The following RAB3GAP1 variants were observed in gnomAD, a reference collection of about 807,000 sequenced individuals.
RAB3GAP1 encodes rab3 GTPase-activating protein catalytic subunit.
In RAB3GAP1, 86 loss-of-function variants were observed where a neutral mutation model predicts 130.7. The ratio of observed to expected loss-of-function variants is 0.66; its 90% CI spans 0.55 to 0.79. The LOEUF is 0.79. Ranked by LOEUF, RAB3GAP1 falls within the 30% of genes least tolerant of loss-of-function variation. The pLI is 0.00. For missense variants in RAB3GAP1, 1,029 were observed against 1,169.4 expected (o/e 0.88, Z 1.75); for synonymous variants, 367 against 401.7 (o/e 0.91, Z 1.03).
intron 5 of RAB3GAP1, among the ~76,000 whole-genome samples, chr2:135,106,761 A>G (rs1255599223): frequency 7.0e-6 from 1 of 143,526 alleles, no homozygotes; most frequent in East Asian, 1.9e-4. Flanking sequence ...AATACTAAAA[A>G]AAAAAATAAA....
intron 17 of RAB3GAP1, among the ~76,000 whole-genome samples, chr2:135,141,138 T>G (rs1691826603): frequency 6.6e-6 from 1 of 152,116 alleles, no homozygotes; most frequent in Non-Finnish European, 1.5e-5. Context: ...TTTTTTCTTA[T>G]TACTTTATAG....
intron 3 of RAB3GAP1, among the ~76,000 whole-genome samples, chr2:135,081,041 T>C (rs1211614430): frequency 6.6e-6 from 1 of 152,048 alleles, no homozygotes; most frequent in Non-Finnish European, 1.5e-5. Flanking sequence ...GTCTGCATAA[T>C]ACATATACTG....
chr2:135,081,445 G>T (rs1379720426), intron 3 of RAB3GAP1, among the ~76,000 whole-genome samples: 1 of 136,042 alleles, frequency 7.4e-6, no homozygotes, highest in Non-Finnish European at 1.5e-5. Flanking sequence ...TATATATATA[G>T]CAAATCTCCA....
chr2:135,058,234 G>A, intron 3 of RAB3GAP1, 148 bp downstream of exon 3: 1 of 707,800 alleles, frequency 1.4e-6, no homozygotes, highest in Middle Eastern at 2.4e-4. Flanking sequence ...GGAAGAATTT[G>A]GATTTAAATC....
rs184286930 is a variant in RAB3GAP1, at chr2:135,143,413, C to A, written c.1924-6956C>A. 8.5e-5 allele frequency among the ~76,000 whole-genome samples: 13 copies of A among 152,064 alleles called. No individual in the cohort carries two copies. In the East Asian group the frequency reaches 2.3e-3, roughly 27 times the overall value. On this transcript the variant is annotated intron_variant, in intron 17 of 23. Transcript: ENST00000264158. ...AACTTTGGGTTTTGTTGATTTTTCT[C>A]TGTTGATTTTGTTTTCTATTTCATT...
At chr2:135,120,680 T>G in intron 7 of RAB3GAP1, 139 bp from the exon 8 acceptor site, 1 of 743,874 alleles carries the variant, frequency 1.3e-6, no homozygotes, top group African/African-American at 1.7e-5. Flanking sequence ...TGCACACTAT[T>G]GTTTAACACT....
At position 135,135,246 on chromosome 2, in the gene RAB3GAP1, T is replaced by C. The variant is rs997097334; in HGVS notation, c.1500-19T>C. The C allele has an allele frequency of 1.3e-6, 2 of 1,596,694 alleles. No individual in the cohort carries two copies. Among genetic ancestry groups the C allele is most frequent in the South Asian group, 2.2e-5 (2 of 90,728 alleles). On this transcript the variant is annotated intron_variant, in intron 15 of 23. Transcript: ENST00000264158. Reference sequence around the variant, plus strand: ...TTTACTAAAACTAAGCTTTCTTTTCTCCTTACTTTATTTGATAGATTAGCA... The same window carrying C: ...TTTACTAAAACTAAGCTTTCTTTTCCCCTTACTTTATTTGATAGATTAGCA...
At chr2:135,087,539 T>G (rs1490966161) in intron 3 of RAB3GAP1, among the ~76,000 whole-genome samples, 1 of 152,198 alleles carries the variant, frequency 6.6e-6, no homozygotes, top group Non-Finnish European at 1.5e-5. Context: ...CTCTATTAGG[T>G]CTTTAATATC....
At chr2:135,130,217 C>G (rs1473364390) in intron 12 of RAB3GAP1, 130 bp downstream of exon 12, 23 of 778,654 alleles carry the variant, frequency 3.0e-5, no homozygotes, top group Middle Eastern at 3.2e-4. Flanking sequence ...ATGGACTAGA[C>G]AGCTACAGTT....
chr2:135,168,485 A>T, intron 23 of RAB3GAP1, 60 bp from the exon 24 acceptor site: 1 of 1,342,374 alleles, frequency 7.4e-7, no homozygotes, highest in Non-Finnish European at 1.1e-6. Context: ...TCTGTCCTTC[A>T]AAAGCATCTG....
At chr2:135,159,326 G>A (rs1409888253) in intron 19 of RAB3GAP1, among the ~76,000 whole-genome samples, 1 of 152,210 alleles carries the variant, frequency 6.6e-6, no homozygotes, top group Non-Finnish European at 1.5e-5. Context: ...CAGCCCGACT[G>A]ACACTGTCTC....
At chr2:135,074,811 T>TACGA (rs1553439494) in intron 3 of RAB3GAP1, among the ~76,000 whole-genome samples, 1 of 152,124 alleles carries the variant, frequency 6.6e-6, no homozygotes, top group African/African-American at 2.4e-5. Context: ...AGCACGAAGA[T>TACGA]ACGATACTGG....
chr2:135,110,075 T>C (rs993065306), intron 5 of RAB3GAP1, among the ~76,000 whole-genome samples: 4 of 152,292 alleles, frequency 2.6e-5, no homozygotes, highest in Middle Eastern at 3.4e-3. Context: ...TAGTGACTTA[T>C]ATTGACATTT....
intron 3 of RAB3GAP1, among the ~76,000 whole-genome samples, chr2:135,084,780 A>G (rs1689928684): frequency 6.6e-6 from 1 of 152,220 alleles, no homozygotes; most frequent in South Asian, 2.1e-4. Context: ...GCAAAGATGA[A>G]TAGAACAATA....
chr2:135,121,226 C>T (rs1691190703), intron 8 of RAB3GAP1, among the ~76,000 whole-genome samples: 1 of 152,172 alleles, frequency 6.6e-6, no homozygotes, highest in Admixed American at 6.5e-5. Context: ...ATTAACATGT[C>T]TGTTTTTAGA....
intron 3 of RAB3GAP1, among the ~76,000 whole-genome samples, chr2:135,086,436 GGTTTTA>G (rs1689984468): frequency 6.6e-6 from 1 of 151,950 alleles, no homozygotes; most frequent in African/African-American, 2.4e-5. Flanking sequence ...ATCTCATTGT[GGTTTTA>G]GTTTGCATTT....
intron 23 of RAB3GAP1, among the ~76,000 whole-genome samples, chr2:135,167,262 G>A (rs532544660): frequency 3.1e-4 from 47 of 152,142 alleles, no homozygotes; most frequent in Middle Eastern, 3.4e-3. Flanking sequence ...TCTCTGGTAT[G>A]TACATACTTA....
intron 19 of RAB3GAP1, among the ~76,000 whole-genome samples, chr2:135,159,423 C>T (rs997128090): frequency 3.9e-5 from 6 of 152,232 alleles, no homozygotes; most frequent in African/African-American, 4.8e-5. Flanking sequence ...TGGCACTTTA[C>T]CTCTCTGGTC....
chr2:135,101,768 ATATACC>A (rs1690455090), intron 5 of RAB3GAP1, among the ~76,000 whole-genome samples: 1 of 152,036 alleles, frequency 6.6e-6, no homozygotes, highest in Non-Finnish European at 1.5e-5. Flanking sequence ...CAGCCTTCTG[ATATACC>A]TATCCTTTAA....
Sources: gnomAD v4.1 joint callset for allele counts (sites outside exome capture counted in the v4.1 genomes callset) on GRCh38, gnomAD v4.1.1 for gene constraint, MANE v1.5 for transcripts, NCBI Gene and HGNC (gene_info 2026-07-23, HGNC 2026-07-21) for gene names.